The following SLC2A11 variants were observed in gnomAD, a reference collection of about 807,000 sequenced individuals.
The protein encoded by SLC2A11 is solute carrier family 2 member 11.
Under a neutral mutation model 52.1 loss-of-function variants are expected in SLC2A11, and 43 were observed. The observed-to-expected ratio is 0.82, with a 90% CI of 0.65 to 1.06. The LOEUF (loss-of-function observed/expected upper bound fraction) is 1.06, where lower values mean the gene tolerates loss of function less well. SLC2A11 is among the 50% of genes least tolerant of loss of function. The pLI is 0.00. For missense variants in SLC2A11, 582 were observed against 654.2 expected (o/e 0.89, Z 1.20); for synonymous variants, 261 against 277.6 (o/e 0.94, Z 0.59).
Position 23,883,854 on chromosome 22 carries a change from C to T in SLC2A11, c.1076C>T (p.Thr359Ile), listed in dbSNP as rs755440684. The change falls in exon 9 of 12, where the codon ACT becomes ATT. Residue 359 changes from threonine to isoleucine, a missense_variant. By Grantham distance (89) the Thr-to-Ile change is moderately conservative. Coordinates refer to ENST00000316185, the MANE Select transcript of SLC2A11 (RefSeq NM_001024939.4). ...ATGACCTGCTGGGGGAGCATCTTCACTGTGGCCCTGTGCCTGCAGGTAGCT... is the reference window on the plus strand; with the variant it reads ...ATGACCTGCTGGGGGAGCATCTTCATTGTGGCCCTGTGCCTGCAGGTAGCT... Reference protein sequence around the residue: ...SLMTCWGSIFTVALCLQSSFP... With the variant: ...SLMTCWGSIFIVALCLQSSFP... The T allele has an allele frequency of 6.3e-7, 1 of 1,596,168 alleles. No homozygotes were observed. The highest frequency in any genetic ancestry group is 8.5e-7 in the Non-Finnish European group (1 of 1,174,194).
Position 23,875,191 on chromosome 22 carries a change from G to C in SLC2A11, c.365G>C (p.Gly122Ala), listed in dbSNP as rs998949157. The change falls in exon 4 of 12, where the codon GGC becomes GCC. Residue 122 changes from glycine to alanine, a missense_variant. By Grantham distance (60) the Gly-to-Ala change is moderately conservative. Transcript: ENST00000316185. ...AILFGFSRKA[G>A]SFEMIMLGRL... is the part of the protein sequence containing the mutation. ...CTGTTTGGATTCAGCCGCAAAGCAG[G>C]CTCCTTTGAGATGATCATGCTGGGA... 5.0e-6 allele frequency: 8 copies of C among 1,588,098 alleles called. No individual in the cohort carries two copies. The highest frequency in any genetic ancestry group is 1.7e-4 in the Middle Eastern group (1 of 5,956).
chr22:23,862,839 T>C (rs541164209), intron 2 of SLC2A11, among the ~76,000 whole-genome samples: 1 of 152,180 alleles, frequency 6.6e-6, no homozygotes, highest in African/African-American at 2.4e-5. Context: ...GTCAGGCTGG[T>C]CTCAAACTCC....
chr22:23,868,802 C>T (rs1029416479), intron 3 of SLC2A11, 161 bp downstream of exon 3: 20 of 795,096 alleles, frequency 2.5e-5, no homozygotes, highest in South Asian at 5.7e-5. Context: ...TTGCAAGACA[C>T]GTCTTCAAGG....
At chr22:23,858,203 G>T (rs760246919) in intron 1 of SLC2A11, 174 bp downstream of exon 1, 91 of 1,042,052 alleles carry the variant, frequency 8.7e-5, no homozygotes, top group Non-Finnish European at 1.2e-4. Flanking sequence ...GCATAGGCAG[G>T]TGTTTACGCC....
Position 23,884,282 on chromosome 22 carries a change from G to C in SLC2A11, c.1172-20G>C, listed in dbSNP as rs754916540. 8.1e-6 allele frequency: 13 copies of C among 1,608,458 alleles called. No homozygotes were observed. The highest frequency in any genetic ancestry group is 3.4e-5 in the Admixed American group (2 of 59,606). On this transcript the variant is annotated intron_variant, in intron 10 of 11. Transcript: ENST00000316185. This position sits in a 1 kb window ranked among gnomAD's most constrained non-coding sequence, Gnocchi z 4.3. The stretch of plus-strand genomic sequence containing the variant: ...AGGGAACCCTGGCCAGCAGCCCCCT[G>C]TCCCTGCCCCTCCTTCTAGCCGGAG...
At chr22:23,857,078 GGGGGGGGGTGTAGGT>G, upstream of SLC2A11, 1 of 1,229,272 alleles carries the variant, frequency 8.1e-7, no homozygotes, top group Non-Finnish European at 1.1e-6. Context: ...GTGTGTGGGG[GGGGGGGGGTGTAGGT>G]GGGGCGTGCA....
Position 23,862,968 on chromosome 22 carries a change from T to C in SLC2A11, c.129+766T>C, listed in dbSNP as rs2032126747. On this transcript the variant is annotated intron_variant, in intron 2 of 11. Coordinates refer to ENST00000316185, the MANE Select transcript of SLC2A11 (RefSeq NM_001024939.4). ...GTAGCCAGTGGAGATTAAGTTTCCG[T>C]GTTCAGCGGTGAAGCCTTGAGCTAT... 5.3e-5 allele frequency among the ~76,000 whole-genome samples: 8 copies of C among 152,260 alleles called. 1 individual carries two copies. The South Asian group carries it at 1.7e-3, about 32-fold the overall frequency.
chr22:23,871,266 C>T (rs1429972104), intron 3 of SLC2A11: 1 of 143,462 alleles, frequency 7.0e-6, no homozygotes, highest in Non-Finnish European at 1.5e-5. Context: ...ATTAGACGGG[C>T]ATGGTGGTGG....
chr22:23,862,287 T>C, intron 2 of SLC2A11, 85 bp downstream of exon 2: 1 of 1,292,728 alleles, frequency 7.7e-7, no homozygotes, highest in Non-Finnish European at 1.1e-6. Context: ...CAGCCAGGCA[T>C]CCACTAGGTG....
chr22:23,878,586 C>T (rs924258887), intron 6 of SLC2A11, among the ~76,000 whole-genome samples: 1 of 152,214 alleles, frequency 6.6e-6, no homozygotes, highest in Admixed American at 6.5e-5. Flanking sequence ...CAAAGCGAGT[C>T]AGTCATACTG....
upstream of SLC2A11, chr22:23,857,154 T>TG (rs1412805454): frequency 9.5e-7 from 1 of 1,049,322 alleles, no homozygotes; most frequent in African/African-American, 1.6e-5. Flanking sequence ...CCAGGGGCAG[T>TG]GGCCTCCGAG....
chr22:23,882,167 T>C lies in SLC2A11; in HGVS notation c.695-292T>C, dbSNP rs936351584. On this transcript the variant is annotated intron_variant, in intron 6 of 11. Coordinates refer to ENST00000316185, the MANE Select transcript of SLC2A11 (RefSeq NM_001024939.4). ...ACACACAGACACAGAGACAGAGAGA[T>C]TGAGAGAGACAGAGGCAGAGAGAGA... 20 of 238,140 alleles carry C rather than the reference T, an allele frequency of 8.4e-5. No individual in the cohort carries two copies. The African/African-American group carries it at 1.4e-3, about 17-fold the overall frequency. The allele number at this position is 238,140 out of a possible 1,614,324, so 14.8% of individuals were successfully genotyped here. A position where few individuals can be genotyped will look rare whatever the true frequency, so the allele number is the denominator to read the frequency against.
At chr22:23,881,759 AAC>A (rs1365184065) in intron 6 of SLC2A11, 8 of 146,946 alleles carry the variant, frequency 5.4e-5, no homozygotes, top group South Asian at 2.2e-4. Flanking sequence ...GAGAGAGAGA[AAC>A]ACACACACAC....
intron 3 of SLC2A11, 42 bp downstream of exon 3, chr22:23,868,683 G>T (rs1361843885): frequency 2.5e-6 from 4 of 1,606,284 alleles, no homozygotes; most frequent in Non-Finnish European, 2.6e-6. Context: ...CTTTAATGAG[G>T]AGCGCTGCAG....
At position 23,884,431 on chromosome 22, in the gene SLC2A11, T is replaced by C; in HGVS notation, c.1299+2T>C. Reference sequence around the variant, plus strand: ...GGCCTGGGATTTCCCTTTATCATGGTAGGCCCGCCCCTCCCGCTGGGGGCC... The same window carrying C: ...GGCCTGGGATTTCCCTTTATCATGGCAGGCCCGCCCCTCCCGCTGGGGGCC... On this transcript the variant is annotated splice_donor_variant, in intron 11 of 11. Transcript: ENST00000316185. LOFTEE classifies it high-confidence loss of function. The surrounding 1 kb of genome is among the most constrained non-coding windows in gnomAD (Gnocchi z 4.3). 6.2e-7 allele frequency: 1 copy of C among 1,612,794 alleles called. No homozygotes were observed. Among genetic ancestry groups the C allele is most frequent in the South Asian group, 1.1e-5 (1 of 90,948 alleles).
chr22:23,871,408 CAAA>C (rs530149356), intron 3 of SLC2A11: 12 of 76,604 alleles, frequency 1.6e-4, no homozygotes, highest in Admixed American at 3.1e-4. Flanking sequence ...GACTCCATCT[CAAA>C]AAAAAAAAAA....
chr22:23,865,637 T>G (rs145352966), intron 2 of SLC2A11: 2 of 152,334 alleles, frequency 1.3e-5, no homozygotes, highest in African/African-American at 4.8e-5. Flanking sequence ...AAGAGGATCA[T>G]CAGGCATTTG....
At chr22:23,862,524 GTT>G (rs2032108355) in intron 2 of SLC2A11, among the ~76,000 whole-genome samples, 1 of 151,994 alleles carries the variant, frequency 6.6e-6, no homozygotes. Context: ...TTCTCCCCAT[GTT>G]TCCACCACAT....
At chr22:23,861,551 GC>G (rs2032067330) in intron 1 of SLC2A11, among the ~76,000 whole-genome samples, 1 of 152,188 alleles carries the variant, frequency 6.6e-6, no homozygotes, top group Non-Finnish European at 1.5e-5. Context: ...CATTTATGCT[GC>G]CTCTCTACTA....
Sources: allele counts gnomAD v4.1 joint callset (sites outside exome capture counted in the v4.1 genomes callset), GRCh38; gene constraint gnomAD v4.1.1; non-coding constraint Gnocchi (gnomAD v3.1); transcripts MANE v1.5; gene names NCBI Gene and HGNC (gene_info 2026-07-23, HGNC 2026-07-21).